KIF13A: variants seen among roughly 807,000 people sequenced by gnomAD.
KIF13A encodes the protein kinesin family member 13A.
Under a neutral mutation model 212.2 loss-of-function variants are expected in KIF13A, and 79 were observed. The observed-to-expected ratio is 0.37, with a 90% CI of 0.31 to 0.45. The LOEUF (loss-of-function observed/expected upper bound fraction) is 0.45, where lower values mean the gene tolerates loss of function less well. Among genes scored for constraint, KIF13A ranks in the 20% least tolerant of loss-of-function variants. KIF13A has a pLI of 1.00. For synonymous variants in KIF13A, 789 were observed against 808.6 expected, an observed-to-expected ratio of 0.98 and a Z score of 0.41; for missense variants, 1,901 against 2,209.0, an observed-to-expected ratio of 0.86 and a Z score of 2.79.
intron 17 of KIF13A, among the ~76,000 whole-genome samples, chr6:17,814,756 G>A (rs2150352029): frequency 6.6e-6 from 1 of 152,274 alleles, no homozygotes; most frequent in East Asian, 1.9e-4. Flanking sequence ...CTGGACTATG[G>A]CAAGAACACA....
At chr6:17,945,666 G>A (rs1266164296) in intron 2 of KIF13A, among the ~76,000 whole-genome samples, 3 of 152,176 alleles carry the variant, frequency 2.0e-5, no homozygotes, top group Non-Finnish European at 4.4e-5. Context: ...ATCCAACACT[G>A]TAAAGATGCC....
In KIF13A at chr6:17,839,110, G is replaced by A. The variant is rs1703436830; in HGVS notation, c.831-1527C>T. On this transcript the variant is annotated intron_variant, in intron 9 of 38. Coordinates refer to ENST00000259711, the MANE Select transcript of KIF13A (RefSeq NM_022113.6). This position sits in a 1 kb window ranked among gnomAD's most constrained non-coding sequence, Gnocchi z 4.3. ...GCTGGGATTATAGGCGTGAGCCACT[G>A]CGCCCAGCCAAGAAGCTTAATTAAT... 1.3e-5 allele frequency among the ~76,000 whole-genome samples: 2 copies of A among 152,246 alleles called. No individual in the cohort carries two copies. The highest frequency in any genetic ancestry group is 4.2e-4 in the South Asian group (2 of 4,814).
Position 17,968,030 on chromosome 6 carries a change from G to A in KIF13A, c.146+19024C>T, listed in dbSNP as rs1779477480. Reference sequence around the variant, plus strand: ...TGTACATTCTTGGACGGCATACTGAGAATTGCCCACAATGCTGAGAACCCC... The same window carrying A: ...TGTACATTCTTGGACGGCATACTGAAAATTGCCCACAATGCTGAGAACCCC... On this transcript the variant is annotated intron_variant, in intron 2 of 38. Coordinates refer to ENST00000259711, the MANE Select transcript of KIF13A (RefSeq NM_022113.6). This position sits in a 1 kb window ranked among gnomAD's most constrained non-coding sequence, Gnocchi z 4.7. Among the ~76,000 whole-genome samples, 1 of 152,160 alleles carries A rather than the reference G, an allele frequency of 6.6e-6. No individual in the cohort carries two copies. The highest frequency in any genetic ancestry group is 2.4e-5 in the African/African-American group (1 of 41,438).
In KIF13A at chr6:17,771,049, A is replaced by C. The variant is rs1759446542; in HGVS notation, c.4581+65T>G. 9.9e-7 allele frequency: 1 copy of C among 1,005,388 alleles called. No individual in the cohort carries two copies. Among genetic ancestry groups the C allele is most frequent in the Non-Finnish European group, 1.5e-6 (1 of 650,516 alleles). 62.3% of individuals were successfully genotyped at this position (1,005,388 alleles called of 1,614,324 possible). A position where few individuals can be genotyped will look rare whatever the true frequency, so the allele number is the denominator to read the frequency against. On this transcript the variant is annotated intron_variant, in intron 38 of 38. Transcript: ENST00000259711. The surrounding 1 kb of genome is among the most constrained non-coding windows in gnomAD (Gnocchi z 5.4). ...CTTAATTTCTTCTAGCATTTGGATGATTGTCTGTGAAAGGGCCTTAAACCC... is the reference window on the plus strand; with the variant it reads ...CTTAATTTCTTCTAGCATTTGGATGCTTGTCTGTGAAAGGGCCTTAAACCC...
At chr6:17,976,271 G>A (rs1173077875) in intron 2 of KIF13A, among the ~76,000 whole-genome samples, 1 of 152,246 alleles carries the variant, frequency 6.6e-6, no homozygotes, top group African/African-American at 2.4e-5. Context: ...GGCTGCACAG[G>A]AGCCCACGGA....
In KIF13A at chr6:17,845,605, TAG is replaced by T. The variant is rs1490662560; in HGVS notation, c.830+3770_830+3771del. Among the ~76,000 whole-genome samples, 4 of 152,352 alleles carry T rather than the reference TAG, an allele frequency of 2.6e-5. No individual in the cohort carries two copies. The East Asian group carries it at 7.7e-4, about 29-fold the overall frequency. On this transcript the variant is annotated intron_variant, in intron 9 of 38. Transcript: ENST00000259711. The stretch of plus-strand genomic sequence containing the variant: ...AACCATTTTCAGTGTCTGGGGGTAT[TAG>T]AGAGTGCTCTATGATCCAAATGTGT...
intron 3 of KIF13A, among the ~76,000 whole-genome samples, chr6:17,887,534 A>G (rs1484515396): frequency 6.6e-6 from 1 of 152,190 alleles, no homozygotes; most frequent in Non-Finnish European, 1.5e-5. Context: ...TGATCTTCAT[A>G]GCCTACCAGA....
intron 2 of KIF13A, among the ~76,000 whole-genome samples, chr6:17,941,258 G>C (rs899680239): frequency 6.6e-6 from 1 of 152,118 alleles, no homozygotes; most frequent in African/African-American, 2.4e-5. Context: ...AAAATAGCCT[G>C]GTGCTATGAA....
At chr6:17,819,125 C>T (rs375632620) in intron 16 of KIF13A, among the ~76,000 whole-genome samples, 1 of 151,236 alleles carries the variant, frequency 6.6e-6, no homozygotes. Flanking sequence ...TCGGCCTCCC[C>T]AGTAGCTGGG....
chr6:17,760,469 T>A (rs1229163284), downstream of KIF13A: 4 of 186,764 alleles, frequency 2.1e-5, no homozygotes, highest in South Asian at 1.6e-4. Flanking sequence ...AAAAACAGAT[T>A]AGAGCATTGA....
intron 26 of KIF13A, among the ~76,000 whole-genome samples, chr6:17,788,881 C>T (rs953172348): frequency 4.6e-5 from 7 of 152,162 alleles, no homozygotes; most frequent in African/African-American, 7.2e-5. Context: ...CGCGCCACCA[C>T]GCCCAGCTAA....
intron 2 of KIF13A, among the ~76,000 whole-genome samples, chr6:17,946,684 A>C (rs1777428431): frequency 6.6e-6 from 1 of 152,214 alleles, no homozygotes; most frequent in South Asian, 2.1e-4. Context: ...CTACTTAGGA[A>C]ATCAATTTTA....
Position 17,849,547 on chromosome 6 carries a change from T to G in KIF13A, c.718-58A>C, listed in dbSNP as rs1327234864. The G allele has an allele frequency of 2.5e-6, 3 of 1,203,258 alleles. No individual in the cohort carries two copies. Among genetic ancestry groups the G allele is most frequent in the Non-Finnish European group, 3.6e-6 (3 of 825,564 alleles). The allele number at this position is 1,203,258 out of a possible 1,614,324, so 74.5% of individuals were successfully genotyped here. On this transcript the variant is annotated intron_variant, in intron 8 of 38. Coordinates refer to ENST00000259711, the MANE Select transcript of KIF13A (RefSeq NM_022113.6). This position sits in a 1 kb window ranked among gnomAD's most constrained non-coding sequence, Gnocchi z 5.7. ...CTTATCAATAAAAACCACATGGATA[T>G]CTACATATATGTTAGCACTATAATT... is the stretch of plus-strand genomic sequence containing the variant.
intron 2 of KIF13A, among the ~76,000 whole-genome samples, chr6:17,937,739 C>CTTTTTTTTTTTT (rs1487188222): frequency 1.6e-5 from 2 of 128,428 alleles, no homozygotes; most frequent in African/African-American, 5.5e-5. Context: ...AATTTCTTTC[C>CTTTTTTTTTTTT]TTTTTTGTTT....
intron 2 of KIF13A, among the ~76,000 whole-genome samples, chr6:17,911,186 T>A (rs1035069846): frequency 1.2e-4 from 18 of 152,262 alleles, no homozygotes; most frequent in African/African-American, 7.2e-5. Flanking sequence ...AATTAGTATT[T>A]TTCTTTCTGC....
intron 2 of KIF13A, among the ~76,000 whole-genome samples, chr6:17,909,200 G>A (rs1773803204): frequency 6.6e-6 from 1 of 152,198 alleles, no homozygotes; most frequent in Non-Finnish European, 1.5e-5. Flanking sequence ...GGGAGCTGAA[G>A]AATGACAGAA....
At chr6:17,798,521 T>C (rs1488922198) in intron 22 of KIF13A, among the ~76,000 whole-genome samples, 1 of 152,244 alleles carries the variant, frequency 6.6e-6, no homozygotes, top group South Asian at 2.1e-4. Flanking sequence ...TGAAATTTTA[T>C]AGGTGGTGAT....
rs903142873 is a variant in KIF13A, at chr6:17,929,501, C to T, written c.147-31321G>A. Among the ~76,000 whole-genome samples, 10 of 151,910 alleles carry T rather than the reference C, an allele frequency of 6.6e-5. No homozygotes were observed. In the East Asian group the frequency reaches 1.9e-3, roughly 29 times the overall value. On this transcript the variant is annotated intron_variant, in intron 2 of 38. Coordinates refer to ENST00000259711, the MANE Select transcript of KIF13A (RefSeq NM_022113.6). Reference sequence around the variant, plus strand: ...CTGCAAGCTCTGCCTCCCGGGTTCACGGCATTCTCCTGCCTCAGCCTCCCA... The same window carrying T: ...CTGCAAGCTCTGCCTCCCGGGTTCATGGCATTCTCCTGCCTCAGCCTCCCA...
intron 4 of KIF13A, among the ~76,000 whole-genome samples, chr6:17,866,775 G>A (rs1223738538): frequency 7.0e-6 from 1 of 142,734 alleles, no homozygotes; most frequent in Non-Finnish European, 1.5e-5. Context: ...GAAGAAAATG[G>A]GATTTGATAG....
Sources: allele counts gnomAD v4.1 joint callset (sites outside exome capture counted in the v4.1 genomes callset), GRCh38; gene constraint gnomAD v4.1.1; non-coding constraint Gnocchi (gnomAD v3.1); transcripts MANE v1.5; gene names NCBI Gene and HGNC (gene_info 2026-07-23, HGNC 2026-07-21).